Variants in CNTN6 observed in about 807,000 individuals in gnomAD.
CNTN6 encodes contactin 6, also known as contactin-6.
In CNTN6, 137 loss-of-function variants were observed where a neutral mutation model predicts 122.8. The ratio of observed to expected loss-of-function variants is 1.12; its 90% CI spans 0.97 to 1.29. The LOEUF is 1.29. Among genes scored for constraint, CNTN6 ranks in the 50% most tolerant of loss-of-function variants. CNTN6 has a pLI of 0.00. For missense variants in CNTN6, 1,634 were observed against 1,223.4 expected, an observed-to-expected ratio of 1.34 and a Z score of -5.01; for synonymous variants, 570 against 426.0, an observed-to-expected ratio of 1.34 and a Z score of -4.16.
intron 5 of CNTN6, among the ~76,000 whole-genome samples, chr3:1,289,557 C>T (rs942461623): frequency 6.6e-6 from 1 of 152,194 alleles, no homozygotes; most frequent in Non-Finnish European, 1.5e-5. Flanking sequence ...GACTCCAACA[C>T]ACCACTCAAA....
In CNTN6 at chr3:1,322,551, A is replaced by C. The variant is rs561116091; in HGVS notation, c.946+717A>C. On this transcript the variant is annotated intron_variant, in intron 8 of 22. Transcript: ENST00000446702. ...AATGTATCTGTATTAGATAATTTTTAAAAAGTATTGATATATGGCCAAAAT... is the reference window on the plus strand; with the variant it reads ...AATGTATCTGTATTAGATAATTTTTCAAAAGTATTGATATATGGCCAAAAT... Among the ~76,000 whole-genome samples the C allele has an allele frequency of 2.0e-5, 3 of 151,750 alleles. No homozygotes were observed. The Admixed American group carries it at 2.0e-4, about 10-fold the overall frequency.
At chr3:1,334,780 A>T (rs1008953879) in intron 11 of CNTN6, among the ~76,000 whole-genome samples, 3 of 152,148 alleles carry the variant, frequency 2.0e-5, no homozygotes, top group African/African-American at 4.8e-5. Flanking sequence ...CCTGGAATAT[A>T]GCACACATTC....
intron 2 of CNTN6, among the ~76,000 whole-genome samples, chr3:1,172,620 C>CTCTGTGTG (rs762907787): frequency 6.7e-5 from 10 of 150,286 alleles, no homozygotes; most frequent in African/African-American, 2.4e-4. Context: ...CAATAACTCT[C>CTCTGTGTG]TGTGTGTGTG....
intron 11 of CNTN6, among the ~76,000 whole-genome samples, chr3:1,343,014 C>T (rs765286448): frequency 5.9e-5 from 9 of 152,120 alleles, no homozygotes; most frequent in Non-Finnish European, 4.4e-5. Flanking sequence ...TGAGACCGGA[C>T]ACCTCCTCTT....
Position 1,194,056 on chromosome 3 carries a change from A to T in CNTN6, c.56-26631A>T, listed in dbSNP as rs572374788. 1.4e-4 allele frequency among the ~76,000 whole-genome samples: 22 copies of T among 152,192 alleles called. 1 individual carries two copies. Among genetic ancestry groups the T allele is most frequent in the Middle Eastern group, 6.8e-3 (2 of 294 alleles). The stretch of plus-strand genomic sequence containing the variant: ...ATGTCCATTTTAGTTCACGCAACCA[A>T]AGTAGACATGACACATTGCAATTCT... On this transcript the variant is annotated intron_variant, in intron 2 of 22. Coordinates refer to ENST00000446702, the MANE Select transcript of CNTN6 (RefSeq NM_001289080.2).
At chr3:1,247,525 A>G (rs2094599290) in intron 4 of CNTN6, among the ~76,000 whole-genome samples, 1 of 152,208 alleles carries the variant, frequency 6.6e-6, no homozygotes. Flanking sequence ...AGAGGAGAAT[A>G]AAAATTCATG....
chr3:1,261,384 G>A (rs975477840), intron 4 of CNTN6, among the ~76,000 whole-genome samples: 1 of 151,998 alleles, frequency 6.6e-6, no homozygotes, highest in Non-Finnish European at 1.5e-5. Context: ...GGCAATTGTG[G>A]CTCAGTACAG....
At chr3:1,320,666 A>G (rs78371525) in intron 7 of CNTN6, among the ~76,000 whole-genome samples, 1,697 of 151,870 alleles carry the variant, frequency 0.011, 32 homozygotes, top group African/African-American at 0.039. Flanking sequence ...ATGACTTGAC[A>G]AGAGGAAAGG....
intron 4 of CNTN6, among the ~76,000 whole-genome samples, chr3:1,249,826 C>G (rs1366044561): frequency 3.9e-5 from 6 of 152,120 alleles, no homozygotes; most frequent in Admixed American, 3.9e-4. Context: ...ATTATTTCAT[C>G]CATTTTTAAG....
chr3:1,227,855 AGTT>A lies in CNTN6; in HGVS notation c.221_223del (p.Ser74_Tyr75delinsAsn), dbSNP rs1437073969. On this transcript the variant is annotated inframe_deletion, in exon 4 of 23. Coordinates refer to ENST00000446702, the MANE Select transcript of CNTN6 (RefSeq NM_001289080.2). ...TGGCACAGACATTGATTTTACTATGAGTTATCACTACAGGTTGGATGGAGGCAG... is the reference window on the plus strand; with the variant it reads ...TGGCACAGACATTGATTTTACTATGAATCACTACAGGTTGGATGGAGGCAG... 2 of 1,613,882 alleles carry A rather than the reference AGTT, an allele frequency of 1.2e-6. No homozygotes were observed. The highest frequency in any genetic ancestry group is 3.3e-5 in the Admixed American group (2 of 59,980).
At position 1,154,175 on chromosome 3, in the gene CNTN6, G is replaced by A. The variant is rs141043920; in HGVS notation, c.55+6112G>A. Among the ~76,000 whole-genome samples, 3 of 150,136 alleles carry A rather than the reference G, an allele frequency of 2.0e-5. No individual in the cohort carries two copies. The East Asian group carries it at 5.8e-4, about 29-fold the overall frequency. ...AACCTTAAATGAAATTGTTAGGACT[G>A]ATAAGAATGTAGGAAAAAAAATTAT... On this transcript the variant is annotated intron_variant, in intron 2 of 22. Coordinates refer to ENST00000446702, the MANE Select transcript of CNTN6 (RefSeq NM_001289080.2).
intron 4 of CNTN6, among the ~76,000 whole-genome samples, chr3:1,261,623 C>G (rs2094847829): frequency 6.6e-6 from 1 of 152,114 alleles, no homozygotes; most frequent in South Asian, 2.1e-4. Flanking sequence ...ATGGAGGCAG[C>G]AAACCCTCTA....
At chr3:1,338,916 T>G (rs185863873) in intron 11 of CNTN6, among the ~76,000 whole-genome samples, 7 of 152,114 alleles carry the variant, frequency 4.6e-5, no homozygotes, top group Admixed American at 4.6e-4. Context: ...TGCCAGTGAG[T>G]GTATTTAAAA....
chr3:1,111,510 G>T (rs1171080494), intron 1 of CNTN6, among the ~76,000 whole-genome samples: 1 of 152,098 alleles, frequency 6.6e-6, no homozygotes. Flanking sequence ...AACCAGGCAG[G>T]CTTTTGCCAA....
At chr3:1,308,617 C>A (rs1698740230) in intron 7 of CNTN6, among the ~76,000 whole-genome samples, 1 of 151,752 alleles carries the variant, frequency 6.6e-6, no homozygotes, top group Non-Finnish European at 1.5e-5. Flanking sequence ...TTAAATTAAA[C>A]ATATGATCTT....
chr3:1,123,657 C>T (rs2092047404), intron 1 of CNTN6, among the ~76,000 whole-genome samples: 1 of 151,822 alleles, frequency 6.6e-6, no homozygotes, highest in Non-Finnish European at 1.5e-5. Context: ...ATTTTCTTCC[C>T]AATTTAGATA....
At chr3:1,225,046 C>T (rs1438074638) in intron 3 of CNTN6, among the ~76,000 whole-genome samples, 1 of 152,132 alleles carries the variant, frequency 6.6e-6, no homozygotes, top group African/African-American at 2.4e-5. Context: ...CCGCACCTAG[C>T]CCAGCCATTA....
chr3:1,340,283 G>A (rs572926379), intron 11 of CNTN6, among the ~76,000 whole-genome samples: 2 of 152,116 alleles, frequency 1.3e-5, no homozygotes, highest in African/African-American at 2.4e-5. Flanking sequence ...TTTCTTCAGA[G>A]TTATACTAAA....
chr3:1,362,851 C>T (rs1206966263), intron 12 of CNTN6, among the ~76,000 whole-genome samples: 4 of 151,378 alleles, frequency 2.6e-5, no homozygotes, highest in South Asian at 4.2e-4. Flanking sequence ...GAAAGCCTAG[C>T]TAAGCACACA....
Sources: gnomAD v4.1 joint callset for allele counts (sites outside exome capture counted in the v4.1 genomes callset) on GRCh38, gnomAD v4.1.1 for gene constraint, MANE v1.5 for transcripts, NCBI Gene and HGNC (gene_info 2026-07-23, HGNC 2026-07-21) for gene names.